Variants in FER observed in about 807,000 individuals in gnomAD.
FER encodes FER tyrosine kinase.
A neutral mutation model predicts 111.0 loss-of-function variants in FER; 63 were observed. The ratio of observed to expected loss-of-function variants is 0.57; its 90% CI spans 0.46 to 0.70. FER has a LOEUF of 0.70. FER is among the 30% of genes least tolerant of loss of function. FER has a pLI of 0.00. For missense variants in FER, 914 were observed against 954.0 expected (o/e 0.96, Z 0.55); for synonymous variants, 327 against 313.9 (o/e 1.04, Z -0.44).
chr5:108,803,539 C>T (rs1413660223), intron 3 of FER, among the ~76,000 whole-genome samples: 1 of 152,044 alleles, frequency 6.6e-6, no homozygotes. Context: ...AAGTTTCATT[C>T]TTCTGCATAT....
chr5:109,039,225 G>A (rs1014087601), intron 14 of FER, among the ~76,000 whole-genome samples: 6 of 147,320 alleles, frequency 4.1e-5, no homozygotes, highest in African/African-American at 1.5e-4. Flanking sequence ...TTTTTTTTTT[G>A]TATTCAGCAC....
intron 10 of FER, among the ~76,000 whole-genome samples, chr5:108,920,543 T>C (rs756541584): frequency 3.9e-5 from 6 of 152,132 alleles, no homozygotes; most frequent in Non-Finnish European, 8.8e-5. Context: ...GTCAATTGCT[T>C]AAGTCCAAAT....
chr5:109,016,774 A>G (rs72790530), intron 13 of FER, among the ~76,000 whole-genome samples: 12 of 151,998 alleles, frequency 7.9e-5, no homozygotes, highest in Non-Finnish European at 1.5e-4. Context: ...ATTATGTGCT[A>G]TGCACAGAAT....
chr5:108,787,010 G>A (rs1442189610), intron 2 of FER, among the ~76,000 whole-genome samples: 1 of 152,156 alleles, frequency 6.6e-6, no homozygotes, highest in East Asian at 1.9e-4. Flanking sequence ...ACCCATCGGG[G>A]CTGTGCACTC....
At chr5:108,879,973 A>G (rs1259006051) in intron 8 of FER, among the ~76,000 whole-genome samples, 1 of 151,784 alleles carries the variant, frequency 6.6e-6, no homozygotes, top group Non-Finnish European at 1.5e-5. Context: ...AACCTCCCAA[A>G]GTGCTGGGAT....
At position 108,938,719 on chromosome 5, in the gene FER, GATTGA is replaced by G. The variant is rs1581294249; in HGVS notation, c.1237-7409_1237-7405del. On this transcript the variant is annotated intron_variant, in intron 10 of 19. Transcript: ENST00000281092. The stretch of plus-strand genomic sequence containing the variant: ...CTACAAGACTTAAGAGTTCCAGTGA[GATTGA>G]AAAATGGTTACAGCAGAACTGGTTG... 1.1e-4 allele frequency among the ~76,000 whole-genome samples: 17 copies of G among 152,102 alleles called. No individual in the cohort carries two copies. The East Asian group carries it at 3.1e-3, about 28-fold the overall frequency.
At chr5:108,966,433 G>T (rs1288224938) in intron 13 of FER, among the ~76,000 whole-genome samples, 2 of 145,292 alleles carry the variant, frequency 1.4e-5, no homozygotes, top group Non-Finnish European at 3.0e-5. Flanking sequence ...TTTTGCTCAG[G>T]CTGGAGTGCA....
At chr5:108,871,271 A>T in intron 6 of FER, 94 bp from the exon 7 acceptor site, 2 of 1,012,930 alleles carry the variant, frequency 2.0e-6, no homozygotes, top group African/African-American at 1.6e-5. Context: ...TTTCAACATT[A>T]CATTTCTTAT....
intron 12 of FER, among the ~76,000 whole-genome samples, chr5:108,958,684 A>G (rs1758749771): frequency 6.6e-6 from 1 of 151,882 alleles, no homozygotes. Context: ...GGTAATTAAT[A>G]ATAAATGAAT....
At chr5:109,047,003 T>C (rs1772083020) in intron 15 of FER, 101 bp from the exon 16 acceptor site, 3 of 585,156 alleles carry the variant, frequency 5.1e-6, no homozygotes, top group Non-Finnish European at 8.7e-6. Context: ...AAAAATTGAA[T>C]TATGATTCAA....
At chr5:108,771,853 A>G (rs893373793) in intron 2 of FER, among the ~76,000 whole-genome samples, 1 of 152,212 alleles carries the variant, frequency 6.6e-6, no homozygotes, top group South Asian at 2.1e-4. Flanking sequence ...CACAGTACCA[A>G]TATCATATAT....
chr5:108,956,638 A>G (rs1758465138), intron 12 of FER, among the ~76,000 whole-genome samples: 1 of 151,634 alleles, frequency 6.6e-6, no homozygotes, highest in South Asian at 2.1e-4. Context: ...TTTTTCAAAT[A>G]TCTCTGTTAA....
intron 10 of FER, among the ~76,000 whole-genome samples, chr5:108,901,275 G>T (rs1054769680): frequency 2.0e-5 from 3 of 151,946 alleles, no homozygotes; most frequent in Non-Finnish European, 4.4e-5. Flanking sequence ...AATGAGGAAA[G>T]CTGTGGTTAT....
At chr5:109,104,054 A>G (rs1410072687) in intron 17 of FER, among the ~76,000 whole-genome samples, 1 of 152,334 alleles carries the variant, frequency 6.6e-6, no homozygotes, top group Non-Finnish European at 1.5e-5. Flanking sequence ...TGTCATTGTC[A>G]ATATCAGAAA....
At chr5:108,936,592 A>G (rs1037647494) in intron 10 of FER, among the ~76,000 whole-genome samples, 2 of 152,182 alleles carry the variant, frequency 1.3e-5, no homozygotes, top group East Asian at 3.9e-4. Flanking sequence ...AGCCTATTAC[A>G]TAGAAATAGA....
chr5:109,161,354 A>C (rs1350609137), intron 17 of FER, among the ~76,000 whole-genome samples: 1 of 151,974 alleles, frequency 6.6e-6, no homozygotes, highest in Non-Finnish European at 1.5e-5. Context: ...GTATTTTGTC[A>C]CCCAGGTATT....
At chr5:108,795,308 C>T (rs1186635362) in intron 2 of FER, among the ~76,000 whole-genome samples, 2 of 151,938 alleles carry the variant, frequency 1.3e-5, no homozygotes. Context: ...CAGAGGGAGA[C>T]CCTGTCTGGA....
intron 9 of FER, among the ~76,000 whole-genome samples, chr5:108,896,644 G>T (rs913699699): frequency 6.6e-6 from 1 of 152,082 alleles, no homozygotes; most frequent in Admixed American, 6.6e-5. Flanking sequence ...GTTGCACTGT[G>T]CTCAATTAAG....
At chr5:108,965,964 A>G (rs1447898362) in intron 13 of FER, among the ~76,000 whole-genome samples, 1 of 152,184 alleles carries the variant, frequency 6.6e-6, no homozygotes, top group Non-Finnish European at 1.5e-5. Context: ...GAACCCTACC[A>G]TGGTACATAT....
Sources: gnomAD v4.1 joint callset for allele counts (sites outside exome capture counted in the v4.1 genomes callset) on GRCh38, gnomAD v4.1.1 for gene constraint, MANE v1.5 for transcripts, NCBI Gene and HGNC (gene_info 2026-07-23, HGNC 2026-07-21) for gene names.